Variants in MEGF11 observed in about 807,000 individuals in gnomAD.
The protein encoded by MEGF11 is multiple epidermal growth factor-like domains protein 11.
A neutral mutation model predicts 146.6 loss-of-function variants in MEGF11; 126 were observed. That is an observed-to-expected ratio of 0.86 (90% CI 0.74 to 1.00). The LOEUF is 1.00. Ranked by LOEUF, MEGF11 falls within the 50% of genes least tolerant of loss-of-function variation. The pLI is 0.00. For missense variants in MEGF11, 1,509 were observed against 1,521.2 expected (o/e 0.99, Z 0.13); for synonymous variants, 532 against 583.4 (o/e 0.91, Z 1.27).
At chr15:65,948,025 T>A (rs1054594499) in intron 10 of MEGF11, among the ~76,000 whole-genome samples, 2 of 152,156 alleles carry the variant, frequency 1.3e-5, no homozygotes, top group Non-Finnish European at 2.9e-5. Context: ...GCTGGCCTCA[T>A]CTTAGTGACA....
chr15:65,928,398 G>A, intron 13 of MEGF11, 27 bp downstream of exon 13: 1 of 1,524,424 alleles, frequency 6.6e-7, no homozygotes, highest in Non-Finnish European at 9.0e-7. Flanking sequence ...ACAGTACCTG[G>A]GTGGTGGCAC....
chr15:65,946,038 G>A (rs1251152942), intron 10 of MEGF11, among the ~76,000 whole-genome samples: 3 of 152,222 alleles, frequency 2.0e-5, no homozygotes, highest in Non-Finnish European at 4.4e-5. Flanking sequence ...GGGTAGTGGT[G>A]AAGATGAAAT....
intron 5 of MEGF11, among the ~76,000 whole-genome samples, chr15:66,064,208 A>C (rs1221963487): frequency 1.3e-5 from 2 of 152,146 alleles, no homozygotes; most frequent in Non-Finnish European, 2.9e-5. Flanking sequence ...TCTCTACTAA[A>C]AACACAGAAA....
intron 10 of MEGF11, among the ~76,000 whole-genome samples, chr15:65,952,824 G>A (rs2141455778): frequency 6.6e-6 from 1 of 152,332 alleles, no homozygotes. Context: ...AGGGCTCTTT[G>A]CCCCCACTGG....
At chr15:66,146,545 G>T (rs1488969037) in intron 1 of MEGF11, among the ~76,000 whole-genome samples, 1 of 152,240 alleles carries the variant, frequency 6.6e-6, no homozygotes, top group Non-Finnish European at 1.5e-5. Flanking sequence ...ATGCCTTCCC[G>T]TGGCTCTGCC....
chr15:66,224,231 T>C lies in MEGF11; in HGVS notation c.-9+29374A>G, dbSNP rs140149461. Reference sequence around the variant, plus strand: ...TCTGTAAACTGAGAGGATAATAACATTATCTACCTCATAGGGCTGATGTGT... The same window carrying C: ...TCTGTAAACTGAGAGGATAATAACACTATCTACCTCATAGGGCTGATGTGT... On this transcript the variant is annotated intron_variant, in intron 1 of 25. Transcript: ENST00000395614. 5.3e-3 allele frequency among the ~76,000 whole-genome samples: 803 copies of C among 152,268 alleles called. 6 individuals carry two copies. Among genetic ancestry groups the C allele is most frequent in the African/African-American group, 0.018 (741 of 41,534 alleles).
chr15:66,024,963 G>A (rs1250067567), intron 5 of MEGF11, among the ~76,000 whole-genome samples: 2 of 150,602 alleles, frequency 1.3e-5, no homozygotes, highest in South Asian at 2.1e-4. Flanking sequence ...AGTGTGACCC[G>A]CCCCTCCCTG....
intron 5 of MEGF11, among the ~76,000 whole-genome samples, chr15:66,087,155 G>C (rs1285820184): frequency 6.6e-6 from 1 of 152,096 alleles, no homozygotes; most frequent in Non-Finnish European, 1.5e-5. Context: ...CCTAACACTG[G>C]AGCTCCCAAA....
chr15:66,222,952 A>G (rs2091771589), intron 1 of MEGF11, among the ~76,000 whole-genome samples: 1 of 152,212 alleles, frequency 6.6e-6, no homozygotes, highest in South Asian at 2.1e-4. Flanking sequence ...TGTTAAACAT[A>G]GAGTTACCAT....
intron 1 of MEGF11, among the ~76,000 whole-genome samples, chr15:66,218,250 T>C (rs1281126188): frequency 6.6e-6 from 1 of 152,210 alleles, no homozygotes; most frequent in Non-Finnish European, 1.5e-5. Context: ...AAATGAAAGC[T>C]AACTGATGAG....
chr15:66,136,075 A>G (rs1384176957), intron 1 of MEGF11, among the ~76,000 whole-genome samples: 1 of 152,190 alleles, frequency 6.6e-6, no homozygotes, highest in African/African-American at 2.4e-5. Flanking sequence ...AATGCAGAGG[A>G]GGCAGCAGAA....
chr15:66,220,253 C>G (rs1187699643), intron 1 of MEGF11, among the ~76,000 whole-genome samples: 1 of 152,010 alleles, frequency 6.6e-6, no homozygotes, highest in East Asian at 1.9e-4. Flanking sequence ...CCCCCACCCC[C>G]CGCCATGTGG....
At chr15:66,042,363 G>C (rs2140302010) in intron 5 of MEGF11, among the ~76,000 whole-genome samples, 1 of 152,174 alleles carries the variant, frequency 6.6e-6, no homozygotes, top group Admixed American at 6.5e-5. Context: ...GCCCACTTCG[G>C]CCTCCCAAAG....
chr15:65,913,133 C>G (rs977520802), intron 20 of MEGF11, among the ~76,000 whole-genome samples: 3 of 152,202 alleles, frequency 2.0e-5, no homozygotes, highest in African/African-American at 7.2e-5. Context: ...CATCTTGACC[C>G]CACTCAGACT....
chr15:65,968,069 C>T (rs938829509), intron 8 of MEGF11, among the ~76,000 whole-genome samples: 2 of 152,120 alleles, frequency 1.3e-5, no homozygotes, highest in Non-Finnish European at 2.9e-5. Flanking sequence ...TGTCATATTT[C>T]AGCCAATCTG....
chr15:66,181,527 A>AACTTCTACTATG (rs2090549032), intron 1 of MEGF11, among the ~76,000 whole-genome samples: 1 of 151,574 alleles, frequency 6.6e-6, no homozygotes, highest in African/African-American at 2.4e-5. Flanking sequence ...CTTCTACTAT[A>AACTTCTACTATG]ACTTCTACTA....
chr15:65,930,921 C>T lies in MEGF11; in HGVS notation c.1310G>A (p.Cys437Tyr), dbSNP rs764154832. 2.5e-6 allele frequency: 4 copies of T among 1,607,044 alleles called. No individual in the cohort carries two copies. The highest frequency in any genetic ancestry group is 1.7e-4 in the Middle Eastern group (1 of 6,030). Residue 437 changes from cysteine to tyrosine, a missense_variant, in exon 11 of 26, where the codon TGT becomes TAT. Coordinates refer to ENST00000395614, the MANE Select transcript of MEGF11 (RefSeq NM_001385028.1). The stretch of plus-strand genomic sequence containing the variant: ...GTTGGGGCCATAGGTCCCTGCTGCA[C>T]AGGAAACGGCACAGACCTCTCCCTG... ...GFMGEVCAVS[C>Y]AAGTYGPNCS...
At chr15:66,014,148 C>T (rs1487019399) in intron 5 of MEGF11, among the ~76,000 whole-genome samples, 1 of 152,106 alleles carries the variant, frequency 6.6e-6, no homozygotes, top group African/African-American at 2.4e-5. Flanking sequence ...TGATGGGGAT[C>T]GTGAAGAGAG....
At chr15:65,951,916 C>T (rs1218619930) in intron 10 of MEGF11, among the ~76,000 whole-genome samples, 6 of 151,750 alleles carry the variant, frequency 4.0e-5, no homozygotes, top group Admixed American at 2.0e-4. Context: ...GCAGGAGGAT[C>T]ACTTGAGCCC....
Sources: gnomAD v4.1 joint callset for allele counts (sites outside exome capture counted in the v4.1 genomes callset) on GRCh38, gnomAD v4.1.1 for gene constraint, MANE v1.5 for transcripts, NCBI Gene and HGNC (gene_info 2026-07-23, HGNC 2026-07-21) for gene names.